Variants in NR3C2 observed in about 807,000 individuals in gnomAD.
The protein encoded by NR3C2 is nuclear receptor subfamily 3 group C member 2.
NR3C2 carries 15 observed loss-of-function variants against 86.4 expected under a neutral mutation model. That is an observed-to-expected ratio of 0.17 (90% CI 0.12 to 0.27). NR3C2 has a LOEUF of 0.27. NR3C2 is among the 10% of genes least tolerant of loss of function. The pLI, the probability that NR3C2 is intolerant of heterozygous loss-of-function variation, is 1.00. For missense variants in NR3C2, 960 were observed against 1,195.6 expected (o/e 0.80, Z 2.91); for synonymous variants, 458 against 450.5 (o/e 1.02, Z -0.21).
chr4:148,152,432 C>T, intron 6 of NR3C2, 37 bp downstream of exon 6: 4 of 1,596,308 alleles, frequency 2.5e-6, no homozygotes, highest in Non-Finnish European at 3.4e-6. Context: ...CATAACTCTG[C>T]AGTTTATTTT....
intron 2 of NR3C2, among the ~76,000 whole-genome samples, chr4:148,324,838 T>A (rs1432118290): frequency 6.6e-6 from 1 of 152,228 alleles, no homozygotes; most frequent in Non-Finnish European, 1.5e-5. Flanking sequence ...GGGGGAAGAA[T>A]CATCCTGCCT....
At chr4:148,357,506 T>C (rs1745607636) in intron 2 of NR3C2, among the ~76,000 whole-genome samples, 1 of 152,032 alleles carries the variant, frequency 6.6e-6, no homozygotes, top group African/African-American at 2.4e-5. Context: ...AACATGGAAG[T>C]CTCCCCCAAG....
At chr4:148,173,656 C>T (rs1735238043) in intron 4 of NR3C2, among the ~76,000 whole-genome samples, 1 of 152,190 alleles carries the variant, frequency 6.6e-6, no homozygotes, top group Non-Finnish European at 1.5e-5. Context: ...TTGTTTTAAG[C>T]CAATAAGCTT....
At chr4:148,389,075 GCTAT>G (rs1171808860) in intron 2 of NR3C2, among the ~76,000 whole-genome samples, 1 of 152,140 alleles carries the variant, frequency 6.6e-6, no homozygotes, top group East Asian at 1.9e-4. Flanking sequence ...AACATAGAGG[GCTAT>G]CTTTCATCTC....
intron 8 of NR3C2, among the ~76,000 whole-genome samples, chr4:148,106,546 G>A (rs895255482): frequency 7.9e-5 from 12 of 152,052 alleles, no homozygotes; most frequent in African/African-American, 2.2e-4. Context: ...AAAAGAGCCC[G>A]TATAGCCAAG....
chr4:148,263,655 C>A (rs1401363356), intron 2 of NR3C2, among the ~76,000 whole-genome samples: 1 of 152,180 alleles, frequency 6.6e-6, no homozygotes, highest in Non-Finnish European at 1.5e-5. Context: ...CAGTCTTCTC[C>A]TTCAGGGTCT....
At chr4:148,123,855 C>T (rs776104778) in intron 6 of NR3C2, among the ~76,000 whole-genome samples, 8 of 152,206 alleles carry the variant, frequency 5.3e-5, no homozygotes, top group Non-Finnish European at 1.2e-4. Flanking sequence ...TTTCTCTGAC[C>T]ACCATCACTT....
intron 5 of NR3C2, among the ~76,000 whole-genome samples, chr4:148,153,215 T>C (rs908128217): frequency 7.4e-6 from 1 of 135,262 alleles, no homozygotes; most frequent in Non-Finnish European, 1.6e-5. Flanking sequence ...AGATGGATTC[T>C]CATTCTGTCG....
At chr4:148,127,391 T>C (rs952334384) in intron 6 of NR3C2, among the ~76,000 whole-genome samples, 2 of 151,100 alleles carry the variant, frequency 1.3e-5, no homozygotes, top group African/African-American at 4.8e-5. Flanking sequence ...GTTATAATTT[T>C]ACCTCATTTT....
rs370304738 is a variant in NR3C2, at chr4:148,435,171, C to T, written c.1690G>A (p.Gly564Ser). Residue 564 changes from glycine (G) to serine (S), a missense_variant, in exon 2 of 9, where the codon GGC becomes AGC. Gly to Ser is a moderately conservative substitution (Grantham distance 56). Around this residue, in one of 4 missense-constraint regions of NR3C2, gnomAD observed 680 missense variants for 719.0 expected, o/e 0.95. Coordinates refer to ENST00000358102, the MANE Select transcript of NR3C2 (RefSeq NM_000901.5). ...TCACTTCTTCTAGACGACAGGTCGC[C>T]GTGTGATTTCCATGACTCCACTAAA... Reference protein sequence around the residue: ...NTLVESWKSHGDLSSRRSDGY... With the variant: ...NTLVESWKSHSDLSSRRSDGY... 1.1e-5 allele frequency: 18 copies of T among 1,614,010 alleles called. No homozygotes were observed. The highest frequency in any genetic ancestry group is 4.4e-5 in the South Asian group (4 of 91,084).
At chr4:148,081,668 T>TGC (rs1362205278) in intron 8 of NR3C2, among the ~76,000 whole-genome samples, 169 bp from the exon 9 acceptor site, 2 of 152,196 alleles carry the variant, frequency 1.3e-5, no homozygotes, top group East Asian at 3.9e-4. Flanking sequence ...GGAAGAAGGG[T>TGC]GCTCACATCA....
In NR3C2 at chr4:148,235,262, T is replaced by TTATATA. The variant is rs370271975; in HGVS notation, c.1897+24710_1897+24715dup. Among the ~76,000 whole-genome samples, 151 of 143,758 alleles carry TTATATA rather than the reference T, an allele frequency of 1.1e-3. No individual in the cohort carries two copies. The Middle Eastern group carries it at 0.011, about 10-fold the overall frequency. 94.3% of individuals were successfully genotyped at this position (143,758 alleles called of 152,430 possible). ...AGTATTTAAAAAATTTAAGTGGCAA[T>TTATATA]TATATATATATATATATATATTTAA... On this transcript the variant is annotated intron_variant, in intron 3 of 8. Coordinates refer to ENST00000358102, the MANE Select transcript of NR3C2 (RefSeq NM_000901.5).
At chr4:148,161,470 C>T (rs1036582485) in intron 4 of NR3C2, among the ~76,000 whole-genome samples, 1 of 152,076 alleles carries the variant, frequency 6.6e-6, no homozygotes, top group Non-Finnish European at 1.5e-5. Flanking sequence ...CTGCCTCAGC[C>T]TCCCAAGTAG....
intron 2 of NR3C2, among the ~76,000 whole-genome samples, chr4:148,425,636 C>A: frequency 6.6e-6 from 1 of 152,074 alleles, no homozygotes; most frequent in East Asian, 1.9e-4. Flanking sequence ...CAATCAGGGG[C>A]CTGGTAATTT....
intron 3 of NR3C2, among the ~76,000 whole-genome samples, chr4:148,235,878 A>G (rs972912131): frequency 6.6e-6 from 1 of 152,246 alleles, no homozygotes; most frequent in Non-Finnish European, 1.5e-5. Flanking sequence ...ATCAGCAACT[A>G]GACTTTGTGA....
intron 4 of NR3C2, among the ~76,000 whole-genome samples, chr4:148,174,453 C>G (rs559850385): frequency 6.6e-6 from 1 of 152,254 alleles, no homozygotes; most frequent in South Asian, 2.1e-4. Context: ...CTCTGAAGAA[C>G]AAACAGAATG....
At chr4:148,296,932 CTAAATA>C (rs1742080900) in intron 2 of NR3C2, among the ~76,000 whole-genome samples, 1 of 152,120 alleles carries the variant, frequency 6.6e-6, no homozygotes, top group African/African-American at 2.4e-5. Context: ...CAGATAACAC[CTAAATA>C]TATTTATTTT....
intron 2 of NR3C2, among the ~76,000 whole-genome samples, chr4:148,322,335 G>C (rs1743654371): frequency 1.4e-5 from 2 of 144,250 alleles, no homozygotes; most frequent in Admixed American, 7.0e-5. Context: ...TTCAACTTTG[G>C]TGAATCTGAC....
rs901652315 is a variant in NR3C2, at chr4:148,080,878, T to G, written c.*466A>C. The G allele has an allele frequency of 2.7e-6, 1 of 363,802 alleles. No individual in the cohort carries two copies. 22.5% of individuals were successfully genotyped at this position (363,802 alleles called of 1,614,324 possible). A position where few individuals can be genotyped will look rare whatever the true frequency, so the allele number is the denominator to read the frequency against. On this transcript the variant is annotated 3_prime_UTR_variant, in exon 9 of 9. Transcript: ENST00000358102. ...GAATCTGTATATATTTTTTTATTATTTTTTTGTGTTTTTTTAATAACAAAA... is the reference window on the plus strand; with the variant it reads ...GAATCTGTATATATTTTTTTATTATGTTTTTGTGTTTTTTTAATAACAAAA...
Sources: gnomAD v4.1 joint callset for allele counts (sites outside exome capture counted in the v4.1 genomes callset) on GRCh38, gnomAD v4.1.1 for gene constraint, gnomAD v4.1.1 regional missense constraint, MANE v1.5 for transcripts, NCBI Gene and HGNC (gene_info 2026-07-23, HGNC 2026-07-21) for gene names.